Variants in KCNK3 observed in about 807,000 individuals in gnomAD.
KCNK3 encodes the protein potassium channel subfamily K member 3.
KCNK3 carries 9 observed loss-of-function variants against 27.3 expected under a neutral mutation model. That is an observed-to-expected ratio of 0.33 (90% confidence interval 0.20 to 0.57). KCNK3 has a LOEUF of 0.57. Ranked by LOEUF, KCNK3 falls within the 20% of genes least tolerant of loss-of-function variation. The probability of loss-of-function intolerance (pLI) is 0.87; values close to 1 mark genes in which losing one functional copy is unlikely to be tolerated. For missense variants in KCNK3, 391 were observed against 577.7 expected, an observed-to-expected ratio of 0.68 and a Z score of 3.31; for synonymous variants, 278 against 273.8, an observed-to-expected ratio of 1.02 and a Z score of -0.15.
At chr2:26,725,849 G>A (rs1288008022) in intron 1 of KCNK3, among the ~76,000 whole-genome samples, 1 of 152,148 alleles carries the variant, frequency 6.6e-6, no homozygotes, top group African/African-American at 2.4e-5. Context: ...CAGCTTTACT[G>A]GAACTGAGCT....
intron 1 of KCNK3, among the ~76,000 whole-genome samples, chr2:26,710,592 A>T (rs1663093543): frequency 6.6e-6 from 1 of 152,106 alleles, no homozygotes; most frequent in African/African-American, 2.4e-5. Context: ...GGGAAGAGGG[A>T]AGCCCTGGCA....
At chr2:26,718,237 C>T (rs1424123921) in intron 1 of KCNK3, among the ~76,000 whole-genome samples, 1 of 152,206 alleles carries the variant, frequency 6.6e-6, no homozygotes, top group Admixed American at 6.5e-5. Flanking sequence ...AGGCATTCAG[C>T]TCAATATCTC....
At position 26,730,348 on chromosome 2, in the gene KCNK3, G is replaced by C. The variant is rs763862410; in HGVS notation, c.*1780G>C. 6.6e-5 allele frequency: 10 copies of C among 152,258 alleles called. No individual in the cohort carries two copies. Among genetic ancestry groups the C allele is most frequent in the Non-Finnish European group, 1.0e-4 (7 of 68,068 alleles). The allele number at this position is 152,258 out of a possible 1,614,324, so 9.4% of individuals were successfully genotyped here. On this transcript the variant is annotated 3_prime_UTR_variant, in exon 2 of 2. Transcript: ENST00000302909. ...ACACCCTTCCCAGGTGGGGGAGTTT[G>C]GACCAGAGGTGCCCTCTGCCCACCA...
intron 1 of KCNK3, among the ~76,000 whole-genome samples, chr2:26,695,432 C>T (rs1334763747): frequency 6.6e-6 from 1 of 152,190 alleles, no homozygotes; most frequent in African/African-American, 2.4e-5. Flanking sequence ...AGGTCCAGCT[C>T]AAATCCCCCC....
intron 1 of KCNK3, among the ~76,000 whole-genome samples, chr2:26,711,450 A>C (rs935167): frequency 0.97 from 148,288 of 152,242 alleles, 72,363 homozygotes; most frequent in East Asian, 1. Flanking sequence ...TCTCCACTCC[A>C]ATTTCTCCCT....
intron 1 of KCNK3, among the ~76,000 whole-genome samples, chr2:26,698,606 C>T (rs1266747097): frequency 6.6e-6 from 1 of 152,232 alleles, no homozygotes; most frequent in East Asian, 1.9e-4. Flanking sequence ...ACTGCTCTGT[C>T]TCCCAAGGGT....
intron 1 of KCNK3, among the ~76,000 whole-genome samples, chr2:26,694,166 C>A (rs182959494): frequency 1.3e-5 from 2 of 152,208 alleles, no homozygotes; most frequent in African/African-American, 4.8e-5. Flanking sequence ...GTCCCTTCCC[C>A]TGTCTGGGTC....
chr2:26,720,547 AGGGTGGGGGATGGG>A (rs2148266974), intron 1 of KCNK3, among the ~76,000 whole-genome samples: 1 of 152,120 alleles, frequency 6.6e-6, no homozygotes, highest in East Asian at 1.9e-4. Flanking sequence ...GGGCCTGAGG[AGGGTGGGGGATGGG>A]GGCTTTGGGG....
rs890723675 is a variant in KCNK3 at position 26,721,842 on chromosome 2, C to T, written c.284-5825C>T. ...TCCCTCAGGACAAACATTAGCCCAGCCATTGCCTATTTACATTAGATAACT... is the reference window on the plus strand; with the variant it reads ...TCCCTCAGGACAAACATTAGCCCAGTCATTGCCTATTTACATTAGATAACT... On this transcript the variant is annotated intron_variant, in intron 1 of 1. Transcript: ENST00000302909. The surrounding 1 kb of genome is among the most constrained non-coding windows in gnomAD (Gnocchi z 4.3). 1.3e-5 allele frequency among the ~76,000 whole-genome samples: 2 copies of T among 152,240 alleles called. No homozygotes were observed. Among genetic ancestry groups the T allele is most frequent in the Non-Finnish European group, 2.9e-5 (2 of 68,046 alleles).
At chr2:26,716,734 G>A (rs150065409) in intron 1 of KCNK3, among the ~76,000 whole-genome samples, 4 of 152,274 alleles carry the variant, frequency 2.6e-5, no homozygotes, top group Non-Finnish European at 4.4e-5. Context: ...AGCAACTAGC[G>A]ATTTACTCAA....
chr2:26,719,006 A>G (rs189875740), intron 1 of KCNK3, among the ~76,000 whole-genome samples: 350 of 152,334 alleles, frequency 2.3e-3, no homozygotes, highest in African/African-American at 8.1e-3. Context: ...TTTCTATGTA[A>G]TCAAGAGACT....
chr2:26,694,767 T>C (rs1670214039), intron 1 of KCNK3, among the ~76,000 whole-genome samples: 1 of 152,190 alleles, frequency 6.6e-6, no homozygotes, highest in African/African-American at 2.4e-5. Flanking sequence ...AGGGTTTCAG[T>C]AGCTGTTTAG....
chr2:26,701,530 A>G (rs1670308212), intron 1 of KCNK3, among the ~76,000 whole-genome samples: 1 of 152,284 alleles, frequency 6.6e-6, no homozygotes, highest in African/African-American at 2.4e-5. Flanking sequence ...CCGGTACCCC[A>G]GAGATTAAAC....
chr2:26,728,262 C>T lies in KCNK3; in HGVS notation c.879C>T (p.Gly293=). 3.2e-6 allele frequency: 5 copies of T among 1,585,330 alleles called. No homozygotes were observed. The South Asian group carries it at 4.6e-5, about 14-fold the overall frequency. Residue 293 remains glycine (G), a synonymous_variant, in exon 2 of 2, where the codon GGC becomes GGT. Transcript: ENST00000302909. The part of the protein sequence containing the change: ...DTASSTAAAG[G]GGFRNVYAEV... ...CCTCATCCACGGCGGCAGCGGGCGG[C>T]GGCGGCTTCCGCAACGTCTACGCGG...
intron 1 of KCNK3, among the ~76,000 whole-genome samples, chr2:26,714,319 C>T (rs1369342871): frequency 1.3e-5 from 2 of 150,978 alleles, no homozygotes; most frequent in Non-Finnish European, 2.9e-5. Context: ...GGAGCTGCAA[C>T]TGCAGGCGAC....
intron 1 of KCNK3, among the ~76,000 whole-genome samples, chr2:26,716,823 T>C (rs570235444): frequency 2.6e-5 from 4 of 152,284 alleles, no homozygotes; most frequent in African/African-American, 9.6e-5. Context: ...GTAGGAAAAA[T>C]TGAGATAAGA....
At chr2:26,722,759 C>T (rs1663347797) in intron 1 of KCNK3, among the ~76,000 whole-genome samples, 1 of 152,228 alleles carries the variant, frequency 6.6e-6, no homozygotes, top group South Asian at 2.1e-4. Flanking sequence ...TTATTCAGTG[C>T]CTGCTCTAAA....
At chr2:26,706,750 G>C (rs528823639) in intron 1 of KCNK3, among the ~76,000 whole-genome samples, 1 of 152,264 alleles carries the variant, frequency 6.6e-6, no homozygotes, top group South Asian at 2.1e-4. Context: ...CCTGCTTCCA[G>C]GGGGTGGGCC....
intron 1 of KCNK3, among the ~76,000 whole-genome samples, chr2:26,700,309 C>T (rs940156351): frequency 1.3e-5 from 2 of 152,358 alleles, no homozygotes; most frequent in Non-Finnish European, 2.9e-5. Context: ...CTGATGCCAC[C>T]GCCTCCCTGT....
Sources: allele counts gnomAD v4.1 joint callset (sites outside exome capture counted in the v4.1 genomes callset), GRCh38; gene constraint gnomAD v4.1.1; non-coding constraint Gnocchi (gnomAD v3.1); transcripts MANE v1.5; gene names NCBI Gene and HGNC (gene_info 2026-07-23, HGNC 2026-07-21).